Variants in GRIK4 observed in about 807,000 individuals in gnomAD.
GRIK4 encodes the protein glutamate receptor ionotropic, kainate 4.
Under a neutral mutation model 104.9 loss-of-function variants are expected in GRIK4, and 40 were observed. The observed-to-expected ratio is 0.38, with a 90% CI of 0.30 to 0.50. GRIK4 has a LOEUF of 0.50. GRIK4 is among the 20% of genes least tolerant of loss of function. The pLI is 0.93. For synonymous variants in GRIK4, 485 were observed against 524.9 expected (o/e 0.92, Z 1.04); for missense variants, 1,047 against 1,308.1 (o/e 0.80, Z 3.08).
chr11:120,836,339 C>G (rs906933733), intron 7 of GRIK4, among the ~76,000 whole-genome samples: 1 of 152,182 alleles, frequency 6.6e-6, no homozygotes, highest in Admixed American at 6.5e-5. Flanking sequence ...GCGCCAACCT[C>G]ATAGAGTTAT....
intron 13 of GRIK4, among the ~76,000 whole-genome samples, chr11:120,923,391 G>A (rs145308534): frequency 6.7e-5 from 10 of 149,324 alleles, no homozygotes; most frequent in Non-Finnish European, 1.2e-4. Context: ...TGCTAGGCCC[G>A]ATCCATTTGC....
chr11:120,942,791 G>A (rs1046592700), intron 14 of GRIK4, among the ~76,000 whole-genome samples: 14 of 152,272 alleles, frequency 9.2e-5, no homozygotes, highest in African/African-American at 3.1e-4. Context: ...ATGTTGCTTA[G>A]ATGCTTGGTC....
intron 3 of GRIK4, among the ~76,000 whole-genome samples, chr11:120,733,759 A>G (rs1591845442): frequency 1.4e-5 from 2 of 139,342 alleles, no homozygotes; most frequent in African/African-American, 2.7e-5. Flanking sequence ...TTTTTTTGAG[A>G]TGGAGTCTTG....
intron 1 of GRIK4, among the ~76,000 whole-genome samples, chr11:120,627,379 G>C (rs551005484): frequency 1.3e-5 from 2 of 152,346 alleles, no homozygotes; most frequent in Admixed American, 6.5e-5. Flanking sequence ...TGGAAACCTG[G>C]CTTCTGGTCC....
chr11:120,682,741 G>A (rs1489168132), intron 3 of GRIK4, among the ~76,000 whole-genome samples: 1 of 151,796 alleles, frequency 6.6e-6, no homozygotes, highest in Non-Finnish European at 1.5e-5. Context: ...CCTCTTCCCT[G>A]CTTAAACCCT....
At position 120,988,217 on chromosome 11, in the gene GRIK4, C is replaced by T. The variant is rs1319458086; in HGVS notation, c.*1957C>T. 6.6e-6 allele frequency: 1 copy of T among 152,152 alleles called. No homozygotes were observed. The highest frequency in any genetic ancestry group is 1.5e-5 in the Non-Finnish European group (1 of 68,040). The allele number at this position is 152,152 out of a possible 1,614,324, so 9.4% of individuals were successfully genotyped here. A position where few individuals can be genotyped will look rare whatever the true frequency, so the allele number is the denominator to read the frequency against. On this transcript the variant is annotated 3_prime_UTR_variant, in exon 21 of 21. Coordinates refer to ENST00000527524, the MANE Select transcript of GRIK4 (RefSeq NM_014619.5). ...TTTCTCTTTAACCATCAAATGACAACAAGCTGTGCAAGACACTTGTGTCTT... is the reference window on the plus strand; with the variant it reads ...TTTCTCTTTAACCATCAAATGACAATAAGCTGTGCAAGACACTTGTGTCTT...
intron 19 of GRIK4, among the ~76,000 whole-genome samples, chr11:120,969,886 C>G (rs1944446384): frequency 6.6e-6 from 1 of 152,100 alleles, no homozygotes; most frequent in Admixed American, 6.5e-5. Context: ...CTTGATCTCC[C>G]TCTCCCCTCA....
At chr11:120,646,984 G>C (rs546398782) in intron 1 of GRIK4, among the ~76,000 whole-genome samples, 4 of 152,304 alleles carry the variant, frequency 2.6e-5, no homozygotes, top group South Asian at 4.1e-4. Flanking sequence ...CAGTTACCCA[G>C]GGAACAAGTG....
chr11:120,985,866 G>GT, intron 20 of GRIK4, 38 bp from the exon 21 acceptor site: 1 of 1,546,726 alleles, frequency 6.5e-7, no homozygotes, highest in Non-Finnish European at 8.7e-7. Flanking sequence ...ACGGGGGCTG[G>GT]TTGAGAGGCT....
At chr11:120,878,543 G>A (rs1239793964) in intron 11 of GRIK4, among the ~76,000 whole-genome samples, 2 of 152,056 alleles carry the variant, frequency 1.3e-5, no homozygotes, top group African/African-American at 4.8e-5. Flanking sequence ...TTTGACCTTC[G>A]GCTACTCTAA....
intron 1 of GRIK4, among the ~76,000 whole-genome samples, chr11:120,520,363 C>T (rs1376327576): frequency 6.6e-6 from 1 of 152,220 alleles, no homozygotes; most frequent in African/African-American, 2.4e-5. Context: ...CTTCCCTTGG[C>T]CTGATTTCTT....
chr11:120,895,375 C>G (rs150775718), intron 11 of GRIK4, among the ~76,000 whole-genome samples: 4 of 152,294 alleles, frequency 2.6e-5, no homozygotes, highest in African/African-American at 9.6e-5. Context: ...TCTGTTCTTT[C>G]TGCCTAAATA....
chr11:120,820,904 A>C (rs192761400), intron 6 of GRIK4, among the ~76,000 whole-genome samples: 16 of 152,334 alleles, frequency 1.1e-4, no homozygotes, highest in Admixed American at 9.1e-4. Flanking sequence ...TCATTTATCC[A>C]GTACAATTTT....
intron 1 of GRIK4, among the ~76,000 whole-genome samples, chr11:120,644,186 A>G (rs1949511903): frequency 6.6e-6 from 1 of 152,046 alleles, no homozygotes; most frequent in Non-Finnish European, 1.5e-5. Flanking sequence ...TGTATTTTTT[A>G]CAAGATCTTA....
intron 13 of GRIK4, among the ~76,000 whole-genome samples, chr11:120,930,685 G>A (rs1943465175): frequency 6.6e-6 from 1 of 152,216 alleles, no homozygotes; most frequent in Admixed American, 6.5e-5. Flanking sequence ...TATGAGGATG[G>A]TAAACTTTGA....
chr11:120,784,889 C>T (rs1952232530), intron 3 of GRIK4, among the ~76,000 whole-genome samples: 1 of 152,162 alleles, frequency 6.6e-6, no homozygotes, highest in South Asian at 2.1e-4. Context: ...TTCTCAACGG[C>T]ATCTACCCCA....
intron 7 of GRIK4, among the ~76,000 whole-genome samples, chr11:120,835,666 C>T (rs1230608865): frequency 2.0e-5 from 3 of 152,116 alleles, no homozygotes; most frequent in African/African-American, 7.2e-5. Flanking sequence ...CATGACAAAA[C>T]GGGTCTCCCA....
chr11:120,545,858 T>G (rs1446928524), intron 1 of GRIK4, among the ~76,000 whole-genome samples: 1 of 152,230 alleles, frequency 6.6e-6, no homozygotes, highest in Non-Finnish European at 1.5e-5. Flanking sequence ...AAGGAGTTAC[T>G]GAGAACTGCG....
At chr11:120,580,719 C>T (rs1043774880) in intron 1 of GRIK4, among the ~76,000 whole-genome samples, 1 of 152,166 alleles carries the variant, frequency 6.6e-6, no homozygotes, top group Non-Finnish European at 1.5e-5. Context: ...CAGGCATGAG[C>T]AACTGCACCC....
Sources: gnomAD v4.1 joint callset for allele counts (sites outside exome capture counted in the v4.1 genomes callset) on GRCh38, gnomAD v4.1.1 for gene constraint, MANE v1.5 for transcripts, NCBI Gene and HGNC (gene_info 2026-07-23, HGNC 2026-07-21) for gene names.